Variants in SMG6 observed in about 807,000 individuals in gnomAD.
SMG6 encodes telomerase-binding protein EST1A.
In SMG6, 66 loss-of-function variants were observed where a neutral mutation model predicts 142.2. That is an observed-to-expected ratio of 0.46 (90% confidence interval 0.38 to 0.57). The LOEUF (loss-of-function observed/expected upper bound fraction) is 0.57. SMG6 is among the 20% of genes least tolerant of loss of function. SMG6 has a pLI of 0.00. For missense variants in SMG6, 1,793 were observed against 1,832.0 expected (o/e 0.98, Z 0.39); for synonymous variants, 779 against 702.4 (o/e 1.11, Z -1.72).
In SMG6 at chr17:2,081,829, C is replaced by T. The variant is rs370867854; in HGVS notation, c.3662G>A (p.Arg1221His). The change falls in exon 15 of 19, where the codon CGT becomes CAT. Residue 1221 changes from arginine to histidine, a missense_variant. Arg to His is a conservative substitution (Grantham distance 29). Around this residue, in one of 3 missense-constraint regions of SMG6, gnomAD observed 1,597 missense variants for 1,584.6 expected, o/e 1.01. Coordinates refer to ENST00000263073, the MANE Select transcript of SMG6 (RefSeq NM_017575.5). ...ALARKIAEQQRRQEKIQAVLE... is the reference protein window; with the variant it reads ...ALARKIAEQQHRQEKIQAVLE... ...CTTCACCTGGATCTTTTCCTGGCGA[C>T]GCTGCTGCTCAGCTATCTTCCTGGC... 9.9e-6 allele frequency: 16 copies of T among 1,613,602 alleles called. No individual in the cohort carries two copies. The highest frequency in any genetic ancestry group is 3.3e-5 in the South Asian group (3 of 91,088).
chr17:2,274,685 T>A (rs372934973), intron 8 of SMG6, among the ~76,000 whole-genome samples: 202 of 152,262 alleles, frequency 1.3e-3, no homozygotes, highest in African/African-American at 4.6e-3. Flanking sequence ...AAATATACAA[T>A]GGCATTTCTC....
At chr17:2,176,007 A>G (rs1369384318) in intron 12 of SMG6, among the ~76,000 whole-genome samples, 2 of 152,214 alleles carry the variant, frequency 1.3e-5, no homozygotes, top group Admixed American at 1.3e-4. Flanking sequence ...GTGACTCTCT[A>G]CAGGAGTGAG....
intron 12 of SMG6, among the ~76,000 whole-genome samples, chr17:2,180,231 C>T (rs535957648): frequency 3.0e-4 from 45 of 152,304 alleles, no homozygotes; most frequent in African/African-American, 1.1e-3. Context: ...ACAAACTATG[C>T]TAGCAGATGG....
At chr17:2,185,600 C>T (rs542537959) in intron 12 of SMG6, among the ~76,000 whole-genome samples, 14 of 152,208 alleles carry the variant, frequency 9.2e-5, no homozygotes, top group African/African-American at 3.1e-4. Flanking sequence ...CCCCAATACA[C>T]AAATGCTCTC....
At chr17:2,268,927 A>AG (rs1351740793) in intron 8 of SMG6, among the ~76,000 whole-genome samples, 2 of 97,514 alleles carry the variant, frequency 2.1e-5, no homozygotes, top group Non-Finnish European at 4.3e-5. Flanking sequence ...AAAAACGATC[A>AG]GGCACGGTGG....
In SMG6 at chr17:2,060,190, G is replaced by A. The variant is rs2067732597; in HGVS notation, c.*1302C>T. Reference sequence around the variant, plus strand: ...TCCCCCACTGGTCCCATTAAGATTTGCCCCTGGCTCCACCGAAAACCCCGT... The same window carrying A: ...TCCCCCACTGGTCCCATTAAGATTTACCCCTGGCTCCACCGAAAACCCCGT... On this transcript the variant is annotated 3_prime_UTR_variant, in exon 19 of 19. Transcript: ENST00000263073. 1 of 152,326 alleles carries A rather than the reference G, an allele frequency of 6.6e-6. No homozygotes were observed. Among genetic ancestry groups the A allele is most frequent in the Non-Finnish European group, 1.5e-5 (1 of 68,126 alleles). 9.4% of individuals were successfully genotyped at this position (152,326 alleles called of 1,614,324 possible).
intron 13 of SMG6, among the ~76,000 whole-genome samples, chr17:2,133,779 T>C (rs767035172): frequency 1.9e-4 from 29 of 152,208 alleles, no homozygotes; most frequent in Non-Finnish European, 3.8e-4. Flanking sequence ...CATGTGACTC[T>C]TGAGATGTAA....
intron 13 of SMG6, among the ~76,000 whole-genome samples, chr17:2,139,483 G>A (rs1443417798): frequency 4.7e-5 from 7 of 150,126 alleles, no homozygotes; most frequent in African/African-American, 1.2e-4. Flanking sequence ...GTGCAGTGGC[G>A]CGATCTCAGC....
At chr17:2,187,161 G>A (rs1009304109) in intron 11 of SMG6, among the ~76,000 whole-genome samples, 1 of 152,164 alleles carries the variant, frequency 6.6e-6, no homozygotes, top group Non-Finnish European at 1.5e-5. Context: ...AAAACTGCAT[G>A]ACCTGAATTT....
chr17:2,143,809 A>G (rs2070567716), intron 13 of SMG6, among the ~76,000 whole-genome samples: 1 of 152,196 alleles, frequency 6.6e-6, no homozygotes, highest in Admixed American at 6.6e-5. Context: ...GAAATAATAA[A>G]TTGTATCTTT....
chr17:2,183,357 A>G (rs577922440), intron 12 of SMG6, among the ~76,000 whole-genome samples: 61 of 152,266 alleles, frequency 4.0e-4, no homozygotes, highest in African/African-American at 1.3e-3. Context: ...ACAGAGATGG[A>G]GCCTACACGC....
intron 13 of SMG6, among the ~76,000 whole-genome samples, chr17:2,144,697 A>G (rs2070606430): frequency 6.6e-6 from 1 of 152,166 alleles, no homozygotes; most frequent in Admixed American, 6.5e-5. Context: ...ACTGTCAGAC[A>G]CAGAGATCAC....
intron 13 of SMG6, among the ~76,000 whole-genome samples, chr17:2,123,806 T>C (rs530358658): frequency 1.3e-5 from 2 of 152,110 alleles, no homozygotes; most frequent in South Asian, 4.1e-4. Context: ...GCTCATCTGG[T>C]TTTTGTTGGG....
Position 2,061,361 on chromosome 17 carries a change from G to C in SMG6, c.*131C>G. ...TCCCCCACAGCATGGCCGTGGCGTG[G>C]GTTGGAAGAGGATGGTTTATTGTCT... is the stretch of plus-strand genomic sequence containing the variant. On this transcript the variant is annotated 3_prime_UTR_variant, in exon 19 of 19. Coordinates refer to ENST00000263073, the MANE Select transcript of SMG6 (RefSeq NM_017575.5). 2 of 904,866 alleles carry C rather than the reference G, an allele frequency of 2.2e-6. No homozygotes were observed. Among genetic ancestry groups the C allele is most frequent in the Non-Finnish European group, 1.7e-6 (1 of 605,090 alleles). The allele number at this position is 904,866 out of a possible 1,614,324, so 56.1% of individuals were successfully genotyped here.
At chr17:2,114,331 G>A (rs550005385) in intron 13 of SMG6, among the ~76,000 whole-genome samples, 1 of 152,202 alleles carries the variant, frequency 6.6e-6, no homozygotes, top group Non-Finnish European at 1.5e-5. Flanking sequence ...TGTTTAATCA[G>A]AATGACATTA....
chr17:2,162,513 C>G (rs2071212638), intron 13 of SMG6, among the ~76,000 whole-genome samples: 2 of 77,952 alleles, frequency 2.6e-5, no homozygotes, highest in Non-Finnish European at 4.6e-5. Context: ...GACTCCCCAT[C>G]TCAGAAAAAA....
chr17:2,241,407 CA>C (rs1290743671), intron 9 of SMG6, among the ~76,000 whole-genome samples: 2 of 152,174 alleles, frequency 1.3e-5, no homozygotes, highest in African/African-American at 4.8e-5. Context: ...CCATAAAAAT[CA>C]AGACTATCCT....
At chr17:2,230,208 A>G (rs1335826527) in intron 10 of SMG6, among the ~76,000 whole-genome samples, 2 of 117,714 alleles carry the variant, frequency 1.7e-5, no homozygotes, top group African/African-American at 6.8e-5. Context: ...AAAAAAAAAA[A>G]AAAAAAAAAA....
intron 13 of SMG6, among the ~76,000 whole-genome samples, chr17:2,130,278 A>C (rs1002633535): frequency 1.4e-5 from 2 of 147,184 alleles, no homozygotes; most frequent in South Asian, 4.3e-4. Flanking sequence ...AAAAAAAAAA[A>C]AAAAAAGAAA....
Sources: gnomAD v4.1 joint callset for allele counts (sites outside exome capture counted in the v4.1 genomes callset) on GRCh38, gnomAD v4.1.1 for gene constraint, gnomAD v4.1.1 regional missense constraint, MANE v1.5 for transcripts, NCBI Gene and HGNC (gene_info 2026-07-23, HGNC 2026-07-21) for gene names.